TMTC1: variants seen among roughly 807,000 people sequenced by gnomAD.
The protein encoded by TMTC1 is protein O-mannosyl-transferase TMTC1.
Under a neutral mutation model 104.8 loss-of-function variants are expected in TMTC1, and 73 were observed. That is an observed-to-expected ratio of 0.70 (90% CI 0.58 to 0.85). TMTC1 has a LOEUF of 0.85. Ranked by LOEUF, TMTC1 falls within the 40% of genes least tolerant of loss-of-function variation. The pLI is 0.00. For missense variants in TMTC1, 1,035 were observed against 1,096.1 expected, an observed-to-expected ratio of 0.94 and a Z score of 0.79; for synonymous variants, 434 against 428.7, an observed-to-expected ratio of 1.01 and a Z score of -0.15.
chr12:29,727,096 A>C (rs1942413004), intron 5 of TMTC1, among the ~76,000 whole-genome samples: 1 of 152,248 alleles, frequency 6.6e-6, no homozygotes, highest in African/African-American at 2.4e-5. Context: ...CATAAAAACC[A>C]TAACACACAA....
Position 29,783,911 on chromosome 12 carries a change from G to A in TMTC1, c.-160C>T, listed in dbSNP as rs1442567102. On this transcript the variant is annotated 5_prime_UTR_variant, in exon 1 of 18. Transcript: ENST00000539277. This position sits in a 1 kb window ranked among gnomAD's most constrained non-coding sequence, Gnocchi z 4.7. Reference sequence around the variant, plus strand: ...AGCTCCCCGCGCTCCGCCGCCGCCTGCGCCGCGGAGTTGGCCCAGCTGCAA... The same window carrying A: ...AGCTCCCCGCGCTCCGCCGCCGCCTACGCCGCGGAGTTGGCCCAGCTGCAA... 6.1e-6 allele frequency: 4 copies of A among 651,868 alleles called. No individual in the cohort carries two copies. The highest frequency in any genetic ancestry group is 5.9e-5 in the African/African-American group (3 of 51,056). 40.4% of individuals were successfully genotyped at this position (651,868 alleles called of 1,614,324 possible).
intron 5 of TMTC1, among the ~76,000 whole-genome samples, chr12:29,664,031 C>CAAAAA (rs1164768551): frequency 2.0e-5 from 3 of 150,836 alleles, no homozygotes; most frequent in Non-Finnish European, 4.4e-5. Context: ...ACTAAAAATA[C>CAAAAA]AAAAAATTAG....
intron 8 of TMTC1, among the ~76,000 whole-genome samples, chr12:29,577,775 T>C (rs992130425): frequency 8.5e-5 from 13 of 152,212 alleles, no homozygotes; most frequent in African/African-American, 1.7e-4. Flanking sequence ...TTATGGTTTA[T>C]AAAATATCCT....
chr12:29,765,984 A>T (rs1156782524), intron 2 of TMTC1, among the ~76,000 whole-genome samples: 2 of 152,350 alleles, frequency 1.3e-5, no homozygotes, highest in Admixed American at 6.5e-5. Flanking sequence ...AAAGCAAAGA[A>T]TTTAAACATA....
intron 5 of TMTC1, among the ~76,000 whole-genome samples, chr12:29,689,777 C>A: frequency 6.6e-6 from 1 of 152,130 alleles, no homozygotes; most frequent in Non-Finnish European, 1.5e-5. Context: ...GTTTGTGTAC[C>A]TGTAATTCTT....
At chr12:29,512,914 G>A (rs1268640613) in intron 16 of TMTC1, among the ~76,000 whole-genome samples, 1 of 152,116 alleles carries the variant, frequency 6.6e-6, no homozygotes, top group Non-Finnish European at 1.5e-5. Context: ...ATATTTTAAT[G>A]TTCCTTGCTA....
chr12:29,647,896 G>C (rs572993729), intron 5 of TMTC1, among the ~76,000 whole-genome samples: 2 of 152,264 alleles, frequency 1.3e-5, no homozygotes, highest in South Asian at 2.1e-4. Context: ...ATCAAGTGTA[G>C]GCTGCTTTAT....
intron 7 of TMTC1, among the ~76,000 whole-genome samples, chr12:29,593,390 G>T (rs1359080000): frequency 6.6e-6 from 1 of 152,154 alleles, no homozygotes; most frequent in Non-Finnish European, 1.5e-5. Context: ...TAAAATATGT[G>T]ATTAGATCTG....
chr12:29,514,339 C>A, intron 16 of TMTC1, 143 bp downstream of exon 16: 1 of 757,524 alleles, frequency 1.3e-6, no homozygotes, highest in Non-Finnish European at 1.9e-6. Flanking sequence ...AAAACTTCGT[C>A]AATTAGTTAA....
chr12:29,660,295 C>T (rs1258497926), intron 5 of TMTC1, among the ~76,000 whole-genome samples: 1 of 152,178 alleles, frequency 6.6e-6, no homozygotes, highest in African/African-American at 2.4e-5. Context: ...GATGAGATAT[C>T]ACGTAGAGGA....
chr12:29,721,754 A>G (rs933636375), intron 5 of TMTC1, among the ~76,000 whole-genome samples: 5 of 152,114 alleles, frequency 3.3e-5, no homozygotes, highest in Non-Finnish European at 5.9e-5. Context: ...CTGAAAAACT[A>G]TTGACAACCC....
intron 5 of TMTC1, chr12:29,659,851 C>T: frequency 6.7e-7 from 1 of 1,482,188 alleles, no homozygotes; most frequent in Non-Finnish European, 9.0e-7. Flanking sequence ...TAATAAATAC[C>T]AAGTTTTAAA....
intron 5 of TMTC1, among the ~76,000 whole-genome samples, chr12:29,660,581 T>C (rs76855217): frequency 0.019 from 2,833 of 152,274 alleles, 95 homozygotes; most frequent in African/African-American, 0.064. Flanking sequence ...CAGTTCACAT[T>C]GTCCACATCA....
chr12:29,617,990 C>T (rs369092238), intron 6 of TMTC1, among the ~76,000 whole-genome samples: 37 of 152,140 alleles, frequency 2.4e-4, no homozygotes, highest in Middle Eastern at 3.4e-3. Flanking sequence ...TGGACCTTGG[C>T]GCAAGGGTAG....
At chr12:29,589,264 T>C (rs1299052124) in intron 7 of TMTC1, among the ~76,000 whole-genome samples, 1 of 152,220 alleles carries the variant, frequency 6.6e-6, no homozygotes, top group Admixed American at 6.5e-5. Context: ...AAATCACCTT[T>C]GGAGAAAGGC....
intron 5 of TMTC1, among the ~76,000 whole-genome samples, chr12:29,719,250 C>T (rs1184771042): frequency 6.6e-6 from 1 of 152,092 alleles, no homozygotes; most frequent in Non-Finnish European, 1.5e-5. Flanking sequence ...TATCTTTAAG[C>T]TTTCTCATGG....
intron 5 of TMTC1, among the ~76,000 whole-genome samples, chr12:29,684,996 C>G (rs533734759): frequency 6.6e-6 from 1 of 152,256 alleles, no homozygotes; most frequent in Non-Finnish European, 1.5e-5. Flanking sequence ...AGTGTGCATT[C>G]TATTGCCAAC....
intron 11 of TMTC1, among the ~76,000 whole-genome samples, chr12:29,530,466 G>T (rs987473765): frequency 6.6e-6 from 1 of 152,166 alleles, no homozygotes; most frequent in Non-Finnish European, 1.5e-5. Flanking sequence ...GCTGGTCCAT[G>T]GAGACTGTGC....
intron 10 of TMTC1, among the ~76,000 whole-genome samples, chr12:29,550,746 T>C (rs1945074460): frequency 6.6e-6 from 1 of 151,950 alleles, no homozygotes; most frequent in Non-Finnish European, 1.5e-5. Context: ...GAGCGCAGCA[T>C]AGTTTGGTGA....
Sources: gnomAD v4.1 joint callset for allele counts (sites outside exome capture counted in the v4.1 genomes callset) on GRCh38, gnomAD v4.1.1 for gene constraint, Gnocchi (gnomAD v3.1) non-coding constraint, MANE v1.5 for transcripts, NCBI Gene and HGNC (gene_info 2026-07-23, HGNC 2026-07-21) for gene names.